The following ABCA3 variants were observed in gnomAD, a reference collection of about 807,000 sequenced individuals.
ABCA3 encodes the protein ATP binding cassette subfamily A member 3, also known as phospholipid-transporting ATPase ABCA3.
In ABCA3, 88 loss-of-function variants were observed where a neutral mutation model predicts 172.8. The ratio of observed to expected loss-of-function variants is 0.51; its 90% CI spans 0.43 to 0.61. ABCA3 has a LOEUF of 0.61. ABCA3 is among the 20% of genes least tolerant of loss of function. ABCA3 has a pLI of 0.00. For synonymous variants in ABCA3, 1,066 were observed against 983.8 expected, an observed-to-expected ratio of 1.08 and a Z score of -1.56; for missense variants, 2,164 against 2,301.0, an observed-to-expected ratio of 0.94 and a Z score of 1.22.
At chr16:2,300,965 T>A (rs1415024404) in intron 12 of ABCA3, among the ~76,000 whole-genome samples, 1 of 152,088 alleles carries the variant, frequency 6.6e-6, no homozygotes, top group Non-Finnish European at 1.5e-5. Context: ...GCACGGTGGC[T>A]CGAGCCTGTA....
chr16:2,332,618 TG>T, intron 1 of ABCA3: 1 of 1,590,316 alleles, frequency 6.3e-7, no homozygotes, highest in Non-Finnish European at 8.6e-7. Context: ...TACTGTAGCG[TG>T]GGCGGCTCAA....
chr16:2,339,344 A>G (rs2093756749), intron 1 of ABCA3: 2 of 152,222 alleles, frequency 1.3e-5, no homozygotes, highest in Non-Finnish European at 2.9e-5. Flanking sequence ...AAGTCACTTT[A>G]GGAAGGGAGA....
chr16:2,332,634 C>A, intron 1 of ABCA3: 1 of 1,601,754 alleles, frequency 6.2e-7, no homozygotes, highest in East Asian at 2.2e-5. Context: ...GCTCAATCTT[C>A]TCCAGGGGCC....
chr16:2,310,372 C>A (rs1460499352), intron 10 of ABCA3, among the ~76,000 whole-genome samples: 1 of 151,966 alleles, frequency 6.6e-6, no homozygotes, highest in Non-Finnish European at 1.5e-5. Context: ...CGGGTCACTG[C>A]ACTCCATCCT....
chr16:2,278,431 G>C lies in ABCA3; in HGVS notation c.4575C>G (p.Thr1525=). ...YSGGNKRKLS[T]GIALIGEPAV... is the part of the protein sequence containing the mutation. ...CAGGCTCTCCGATCAGGGCGATGCC[G>C]GTGCTCAGCTTCCGCTTGTTACCAC... is the stretch of plus-strand genomic sequence containing the variant. Residue 1525 remains threonine (T), a synonymous_variant, in exon 30 of 33, where the codon ACC becomes ACG. Transcript: ENST00000301732. The surrounding 1 kb of genome is among the most constrained non-coding windows in gnomAD (Gnocchi z 4.4). The C allele has an allele frequency of 2.5e-6, 4 of 1,612,708 alleles. No individual in the cohort carries two copies. The highest frequency in any genetic ancestry group is 3.4e-6 in the Non-Finnish European group (4 of 1,180,012).
intron 10 of ABCA3, among the ~76,000 whole-genome samples, chr16:2,313,763 C>T (rs1637584): frequency 0.17 from 25,861 of 150,760 alleles, 2,330 homozygotes; most frequent in Non-Finnish European, 0.19. Flanking sequence ...GGTATGGTGG[C>T]GGGCGCCTGT....
At chr16:2,320,811 A>G (rs2093724914) in intron 7 of ABCA3, among the ~76,000 whole-genome samples, 1 of 152,108 alleles carries the variant, frequency 6.6e-6, no homozygotes, top group African/African-American at 2.4e-5. Flanking sequence ...CACACGTTAT[A>G]TCTCCTGGGG....
In ABCA3 at chr16:2,284,646, G is replaced by T. The variant is rs2093659976; in HGVS notation, c.3703+133C>A. ...TGGCTAGCCGGGCAGGGCCAGCTGGGGCAGAGGGGCTGGTGAGCATGAACT... is the reference window on the plus strand; with the variant it reads ...TGGCTAGCCGGGCAGGGCCAGCTGGTGCAGAGGGGCTGGTGAGCATGAACT... On this transcript the variant is annotated intron_variant, in intron 24 of 32. Transcript: ENST00000301732. The surrounding 1 kb of genome is among the most constrained non-coding windows in gnomAD (Gnocchi z 5.9). 3.3e-6 allele frequency: 4 copies of T among 1,223,944 alleles called. No homozygotes were observed. In the Admixed American group the frequency reaches 6.1e-5, roughly 19 times the overall value. 75.8% of individuals were successfully genotyped at this position (1,223,944 alleles called of 1,614,324 possible).
chr16:2,298,818 C>T (rs931043418), intron 14 of ABCA3, among the ~76,000 whole-genome samples: 11 of 152,288 alleles, frequency 7.2e-5, no homozygotes, highest in African/African-American at 2.2e-4. Flanking sequence ...GCCCCCGCCC[C>T]GGGTCCCAGC....
At position 2,303,865 on chromosome 16, in the gene ABCA3, G is replaced by C. The variant is rs758552635; in HGVS notation, c.1467+104C>G. The stretch of plus-strand genomic sequence containing the variant: ...GCAGGGTTCTGTGTGCCAGCCCCAC[G>C]CAGGTGCTGCATGCTGGGGACTCAG... On this transcript the variant is annotated intron_variant, in intron 12 of 32. Coordinates refer to ENST00000301732, the MANE Select transcript of ABCA3 (RefSeq NM_001089.3). The C allele has an allele frequency of 3.1e-6, 4 of 1,311,114 alleles. No individual in the cohort carries two copies. The Admixed American group carries it at 7.7e-5, about 25-fold the overall frequency. The allele number at this position is 1,311,114 out of a possible 1,614,324, so 81.2% of individuals were successfully genotyped here. A position where few individuals can be genotyped will look rare whatever the true frequency, so the allele number is the denominator to read the frequency against.
In ABCA3 at chr16:2,297,038, T is replaced by C. The variant is rs45591332; in HGVS notation, c.2263+291A>G. Among the ~76,000 whole-genome samples the C allele has an allele frequency of 3.9e-5, 6 of 152,334 alleles. No individual in the cohort carries two copies. The highest frequency in any genetic ancestry group is 1.4e-4 in the African/African-American group (6 of 41,572). ...GGGAGCTGCCATGTTGGTGCGTGTGTTGGCCTCTCCAAGGGCAGTGCTGCT... is the reference window on the plus strand; with the variant it reads ...GGGAGCTGCCATGTTGGTGCGTGTGCTGGCCTCTCCAAGGGCAGTGCTGCT... On this transcript the variant is annotated intron_variant, in intron 17 of 32. Transcript: ENST00000301732. This position sits in a 1 kb window ranked among gnomAD's most constrained non-coding sequence, Gnocchi z 5.6.
intron 10 of ABCA3, among the ~76,000 whole-genome samples, chr16:2,314,913 C>G (rs777112219): frequency 9.0e-6 from 1 of 110,806 alleles, no homozygotes; most frequent in Non-Finnish European, 1.8e-5. Flanking sequence ...GAGTCTTGCT[C>G]TGTTGCCAGG....
rs778949527 is a variant in ABCA3 at position 2,277,691 on chromosome 16, G to A, written c.4910-21C>T. ...GCTGCCTGCACAAAGGAGAGACGGT[G>A]TTGCTGTGAGCGCCGGGCTGGAGGA... On this transcript the variant is annotated intron_variant, in intron 31 of 32. Transcript: ENST00000301732. This position sits in a 1 kb window ranked among gnomAD's most constrained non-coding sequence, Gnocchi z 5.3. 2 of 1,612,982 alleles carry A rather than the reference G, an allele frequency of 1.2e-6. No individual in the cohort carries two copies. The highest frequency in any genetic ancestry group is 1.1e-5 in the South Asian group (1 of 91,062).
intron 1 of ABCA3, among the ~76,000 whole-genome samples, chr16:2,335,810 C>T (rs548984420): frequency 1.3e-5 from 2 of 152,234 alleles, no homozygotes; most frequent in South Asian, 4.1e-4. Context: ...CCTTAAATAG[C>T]GAAAGCTTTA....
In ABCA3 at chr16:2,319,646, T is replaced by C; in HGVS notation, c.808A>G (p.Ser270Gly). The C allele has an allele frequency of 6.2e-7, 1 of 1,613,694 alleles. No individual in the cohort carries two copies. The highest frequency in any genetic ancestry group is 8.5e-7 in the Non-Finnish European group (1 of 1,179,994). Residue 270 changes from serine (S) to glycine (G), a missense_variant, in exon 8 of 33, where the codon AGC becomes GGC. Physicochemically the swap from Ser to Gly is moderately conservative, Grantham distance 56. Coordinates refer to ENST00000301732, the MANE Select transcript of ABCA3 (RefSeq NM_001089.3). ...QYQLPLLLLL[S>G]FTYTALTIAR... ...ATGGTGAGCGCGGTGTAGGTGAAGC[T>C]GAGCAGCAGCAGCAGGGGCAGCTGG...
At chr16:2,289,996 CA>C (rs1457809980) in intron 19 of ABCA3, among the ~76,000 whole-genome samples, 3 of 151,718 alleles carry the variant, frequency 2.0e-5, no homozygotes, top group Admixed American at 6.6e-5. Flanking sequence ...CACACACACA[CA>C]CACACCCCTT....
Position 2,285,284 on chromosome 16 carries a change from C to T in ABCA3, c.3483+158G>A, listed in dbSNP as rs1256852321. Among the ~76,000 whole-genome samples, 6 of 152,204 alleles carry T rather than the reference C, an allele frequency of 3.9e-5. No individual in the cohort carries two copies. Among genetic ancestry groups the T allele is most frequent in the Non-Finnish European group, 8.8e-5 (6 of 68,024 alleles). On this transcript the variant is annotated intron_variant, in intron 23 of 32. Coordinates refer to ENST00000301732, the MANE Select transcript of ABCA3 (RefSeq NM_001089.3). The surrounding 1 kb of genome is among the most constrained non-coding windows in gnomAD (Gnocchi z 4.7). ...AAAGGCTGAGGGTGCAGGGAGGAGG[C>T]GAGGGGGCAGCCGCCAGGGGATTCC...
rs2093663891 is a variant in ABCA3 at position 2,286,809 on chromosome 16, C to G, written c.3163G>C (p.Ala1055Pro). ...TTGAACAGAAGGTTGTCCACGACGG[C>G]CAGGGCAGTGGCTGGAGAGTGGTAC... ...QAYHSPATAL[A>P]VVDNLLFKLL... The change falls in exon 22 of 33, where the codon GCC (alanine) becomes CCC (proline). Residue 1055 changes from alanine (A) to proline (P), a missense_variant. By Grantham distance (27) the Ala-to-Pro change is conservative. Transcript: ENST00000301732. This position sits in a 1 kb window ranked among gnomAD's most constrained non-coding sequence, Gnocchi z 5.2. The G allele has an allele frequency of 6.2e-7, 1 of 1,614,040 alleles. No individual in the cohort carries two copies. Among genetic ancestry groups the G allele is most frequent in the South Asian group, 1.1e-5 (1 of 91,082 alleles).
chr16:2,289,189 G>A (rs369612616), intron 20 of ABCA3: 17 of 572,468 alleles, frequency 3.0e-5, no homozygotes, highest in South Asian at 1.0e-4. Context: ...CTGGGCACCC[G>A]ACAAGCTCCT....
Sources: gnomAD v4.1 joint callset for allele counts (sites outside exome capture counted in the v4.1 genomes callset) on GRCh38, gnomAD v4.1.1 for gene constraint, Gnocchi (gnomAD v3.1) non-coding constraint, MANE v1.5 for transcripts, NCBI Gene and HGNC (gene_info 2026-07-23, HGNC 2026-07-21) for gene names.